CNTN4: variants seen among roughly 807,000 people sequenced by gnomAD.
The protein encoded by CNTN4 is contactin 4.
CNTN4 carries 77 observed loss-of-function variants against 122.5 expected under a neutral mutation model. That is an observed-to-expected ratio of 0.63 (90% CI 0.52 to 0.76). CNTN4 has a LOEUF of 0.76. Ranked by LOEUF, CNTN4 falls within the 30% of genes least tolerant of loss-of-function variation. The pLI is 0.00. For missense variants in CNTN4, 1,256 were observed against 1,259.1 expected (o/e 1.00, Z 0.04); for synonymous variants, 512 against 447.0 (o/e 1.15, Z -1.83).
intron 13 of CNTN4, among the ~76,000 whole-genome samples, chr3:2,957,598 C>G (rs2094813692): frequency 1.3e-5 from 2 of 152,250 alleles, no homozygotes; most frequent in South Asian, 4.1e-4. Flanking sequence ...CCCTCCCCAC[C>G]TTCCCCACTC....
chr3:2,429,851 T>C (rs2648688), intron 3 of CNTN4, among the ~76,000 whole-genome samples: 142,560 of 152,114 alleles, frequency 0.94, 66,844 homozygotes, highest in East Asian at 0.99. Flanking sequence ...TAACAATAAG[T>C]GAGGCTCCGT....
At chr3:2,760,960 G>A (rs1416194170) in intron 6 of CNTN4, among the ~76,000 whole-genome samples, 1 of 152,128 alleles carries the variant, frequency 6.6e-6, no homozygotes, top group African/African-American at 2.4e-5. Flanking sequence ...TAAATCCATA[G>A]AGAAGAAATA....
At position 2,765,172 on chromosome 3, in the gene CNTN4, G is replaced by A. The variant is rs141505247; in HGVS notation, c.358+19475G>A. 2.3e-4 allele frequency among the ~76,000 whole-genome samples: 35 copies of A among 152,336 alleles called. No individual in the cohort carries two copies. The East Asian group carries it at 5.4e-3, about 24-fold the overall frequency. ...CATCCATAGGTGAAAAGGTGAAGCC[G>A]TGTTTTGTTCTTTTGCCAGTAAGTG... On this transcript the variant is annotated intron_variant, in intron 6 of 24. Coordinates refer to ENST00000418658, the MANE Select transcript of CNTN4 (RefSeq NM_175607.3).
In CNTN4 at chr3:3,026,169, G is replaced by T. The variant is rs7639977; in HGVS notation, c.1554G>T (p.Pro518=). 4 of 1,612,806 alleles carry T rather than the reference G, an allele frequency of 2.5e-6. No individual in the cohort carries two copies. The highest frequency in any genetic ancestry group is 3.4e-6 in the Non-Finnish European group (4 of 1,179,348). ...DVTVGESIVL[P]CQVTHDHSLD... ...CTGTTGGAGAGAGTATTGTTTTACC[G>T]TGCCAGGTAACGCATGATCACTCGC... is the stretch of plus-strand genomic sequence containing the variant. The change falls in exon 15 of 25, where the codon CCG becomes CCT. Residue 518 remains proline, a synonymous_variant. Transcript: ENST00000418658.
chr3:3,037,424 C>A, intron 18 of CNTN4, 96 bp downstream of exon 18: 1 of 1,518,898 alleles, frequency 6.6e-7, no homozygotes, highest in Non-Finnish European at 9.1e-7. Flanking sequence ...GCTCATGCGG[C>A]TCTGTGTTAG....
At chr3:2,280,034 G>A (rs995696870) in intron 2 of CNTN4, among the ~76,000 whole-genome samples, 2 of 147,644 alleles carry the variant, frequency 1.4e-5, no homozygotes, top group East Asian at 3.9e-4. Context: ...TATATAGTAT[G>A]TTTATGACCT....
intron 3 of CNTN4, among the ~76,000 whole-genome samples, chr3:2,527,906 A>C (rs759931196): frequency 5.9e-4 from 90 of 152,214 alleles, no homozygotes; most frequent in Non-Finnish European, 1.2e-3. Flanking sequence ...TTTCTAAAGC[A>C]AGAGTTCTGC....
intron 2 of CNTN4, among the ~76,000 whole-genome samples, chr3:2,151,616 T>C (rs577449949): frequency 1.5e-4 from 23 of 152,332 alleles, no homozygotes; most frequent in African/African-American, 5.5e-4. Context: ...GAATTGAGAA[T>C]TGGGGCCTTT....
chr3:2,539,540 TC>T (rs1559208774), intron 3 of CNTN4, among the ~76,000 whole-genome samples: 1 of 152,078 alleles, frequency 6.6e-6, no homozygotes, highest in Admixed American at 6.6e-5. Context: ...TAGGTATAAA[TC>T]CCGAAGAGAT....
At chr3:2,914,835 A>G (rs985060731) in intron 12 of CNTN4, among the ~76,000 whole-genome samples, 7 of 123,396 alleles carry the variant, frequency 5.7e-5, no homozygotes, top group Non-Finnish European at 1.0e-4. Context: ...GAAGAAAACT[A>G]CAGACCATAA....
intron 6 of CNTN4, among the ~76,000 whole-genome samples, chr3:2,794,503 A>G (rs1001013984): frequency 2.5e-4 from 38 of 152,196 alleles, no homozygotes; most frequent in Admixed American, 1.1e-3. Context: ...AAACTTTGCA[A>G]AAACTGTTAA....
chr3:2,505,427 A>G (rs1429728694), intron 3 of CNTN4, among the ~76,000 whole-genome samples: 1 of 152,236 alleles, frequency 6.6e-6, no homozygotes, highest in Non-Finnish European at 1.5e-5. Flanking sequence ...GATCAAGTTC[A>G]AATGGAATGT....
chr3:2,912,772 T>C (rs1439306522), intron 12 of CNTN4, among the ~76,000 whole-genome samples: 1 of 152,228 alleles, frequency 6.6e-6, no homozygotes, highest in African/African-American at 2.4e-5. Context: ...GCTATATAAT[T>C]ACAGTGGTAA....
intron 3 of CNTN4, among the ~76,000 whole-genome samples, chr3:2,554,718 C>A (rs533244576): frequency 1.3e-5 from 2 of 152,220 alleles, no homozygotes; most frequent in East Asian, 3.9e-4. Context: ...TGATGTGTTC[C>A]AATATTACTT....
chr3:2,662,523 C>G (rs966621159), intron 4 of CNTN4, among the ~76,000 whole-genome samples: 23 of 152,102 alleles, frequency 1.5e-4, no homozygotes, highest in African/African-American at 5.6e-4. Context: ...CACCTGTGGT[C>G]CAATGGTTCA....
At chr3:2,848,271 A>G (rs1343347484) in intron 7 of CNTN4, among the ~76,000 whole-genome samples, 1 of 152,170 alleles carries the variant, frequency 6.6e-6, no homozygotes, top group African/African-American at 2.4e-5. Context: ...ATAGGCTTTT[A>G]AATCATGTGT....
chr3:2,356,340 G>A lies in CNTN4; in HGVS notation c.-89+17107G>A, dbSNP rs1006246078. On this transcript the variant is annotated intron_variant, in intron 3 of 24. Coordinates refer to ENST00000418658, the MANE Select transcript of CNTN4 (RefSeq NM_175607.3). ...TTCTTGATTATATTTTAAACAAGGG[G>A]TGGATTATTCATGAGTTTTCCAGTA... 2.6e-5 allele frequency among the ~76,000 whole-genome samples: 4 copies of A among 152,168 alleles called. No individual in the cohort carries two copies. The South Asian group carries it at 8.3e-4, about 32-fold the overall frequency.
chr3:2,463,252 A>C, intron 3 of CNTN4, among the ~76,000 whole-genome samples: 1 of 152,184 alleles, frequency 6.6e-6, no homozygotes, highest in East Asian at 1.9e-4. Flanking sequence ...TAAAACTGTA[A>C]AATAAGAGCA....
intron 8 of CNTN4, among the ~76,000 whole-genome samples, chr3:2,869,319 G>A (rs2150860234): frequency 6.6e-6 from 1 of 152,200 alleles, no homozygotes; most frequent in Non-Finnish European, 1.5e-5. Context: ...GGAAATGATG[G>A]GGGGTGAAAC....
Sources: gnomAD v4.1 joint callset for allele counts (sites outside exome capture counted in the v4.1 genomes callset) on GRCh38, gnomAD v4.1.1 for gene constraint, MANE v1.5 for transcripts, NCBI Gene and HGNC (gene_info 2026-07-23, HGNC 2026-07-21) for gene names.